Variants in OR2T11 observed in about 807,000 individuals in gnomAD.
OR2T11 encodes the protein olfactory receptor family 2 subfamily T member 11.
In OR2T11, 14 loss-of-function variants were observed where a neutral mutation model predicts 13.5. The ratio of observed to expected loss-of-function variants is 1.04; its 90% confidence interval spans 0.69 to 1.62. The LOEUF (loss-of-function observed/expected upper bound fraction) is 1.62. Ranked by LOEUF, OR2T11 falls within the 40% of genes most tolerant of loss-of-function variation. OR2T11 has a pLI of 0.00. For missense variants in OR2T11, 410 were observed against 389.7 expected (o/e 1.05, Z -0.44); for synonymous variants, 163 against 154.6 (o/e 1.05, Z -0.40).
In OR2T11 at chr1:248,627,012, A is replaced by G; in HGVS notation, c.117T>C (p.Asn39=). 6.4e-7 allele frequency: 1 copy of G among 1,570,012 alleles called. No individual in the cohort carries two copies. The highest frequency in any genetic ancestry group is 2.3e-5 in the East Asian group (1 of 43,640). ...LAVFLGAVTA[N]LVMIFLIQVD... ...CCTGAATCAAGAATATCATGACCAAATTTGCAGTCACGGCCCCCAAGAAAA... is the reference window on the plus strand; with the variant it reads ...CCTGAATCAAGAATATCATGACCAAGTTTGCAGTCACGGCCCCCAAGAAAA... The change falls in exon 2 of 2, where the codon AAT becomes AAC. Residue 39 remains asparagine, a synonymous_variant. Coordinates refer to ENST00000641193, the MANE Select transcript of OR2T11 (RefSeq NM_001001964.2).
Position 248,626,968 on chromosome 1 carries a change from G to A in OR2T11, c.161C>T (p.Thr54Ile), listed in dbSNP as rs61733992. Reference sequence around the variant, plus strand: ...CTGACTGAGCAGAAAGTACATGGGGGTGTGGAGGCGAGAGTCCACCTGAAT... The same window carrying A: ...CTGACTGAGCAGAAAGTACATGGGGATGTGGAGGCGAGAGTCCACCTGAAT... ...FLIQVDSRLHTPMYFLLSQLS... is the reference protein window; with the variant it reads ...FLIQVDSRLHIPMYFLLSQLS... Residue 54 changes from threonine (T) to isoleucine (I), a missense_variant, in exon 2 of 2, where the codon ACC (threonine) becomes ATC (isoleucine). Physicochemically the swap from Thr to Ile is moderately conservative, Grantham distance 89 (BLOSUM62 -1). Transcript: ENST00000641193. The A allele has an allele frequency of 5.6e-4, 876 of 1,571,960 alleles. 120 individuals are homozygous for A. The highest frequency in any genetic ancestry group is 6.8e-4 in the Non-Finnish European group (785 of 1,156,042).
intron 1 of OR2T11, 28 bp downstream of exon 1, chr1:248,635,010 A>AAGGGTTT (rs201126227): frequency 7.9e-6 from 1 of 126,640 alleles, no homozygotes; most frequent in South Asian, 2.6e-4. Flanking sequence ...CTGTAGAAGC[A>AAGGGTTT]AGTTAATTTT....
intron 1 of OR2T11, among the ~76,000 whole-genome samples, chr1:248,631,744 G>A (rs1236287336): frequency 1.4e-5 from 2 of 142,748 alleles, no homozygotes; most frequent in Admixed American, 1.4e-4. Flanking sequence ...GCTTTATACT[G>A]AGGTACATAA....
rs1660516129 is a variant in OR2T11, at chr1:248,626,272, A to G, written c.857T>C (p.Ile286Thr). Residue 286 changes from isoleucine to threonine, a missense_variant, in exon 2 of 2, where the codon ATC (isoleucine) becomes ACC (threonine). Ile to Thr is a moderately conservative substitution (Grantham distance 89). Transcript: ENST00000641193. ...TIVTPMLNPL[I>T]YSLRNKDVIG... ...GACGTCCTTGTTTCTGAGGCTGTAG[A>G]TGAGAGGATTAAGCATGGGCGTGAC... 1 of 1,569,484 alleles carries G rather than the reference A, an allele frequency of 6.4e-7. No individual in the cohort carries two copies. The highest frequency in any genetic ancestry group is 1.5e-5 in the African/African-American group (1 of 66,914).
intron 1 of OR2T11, among the ~76,000 whole-genome samples, chr1:248,630,493 A>G (rs1289532773): frequency 6.9e-6 from 1 of 143,888 alleles, no homozygotes; most frequent in Non-Finnish European, 1.5e-5. Flanking sequence ...ACAGCTCTTC[A>G]ACTCAGGTAC....
chr1:248,633,368 TTCTC>T (rs1660638940), intron 1 of OR2T11, among the ~76,000 whole-genome samples: 1 of 143,564 alleles, frequency 7.0e-6, no homozygotes, highest in Admixed American at 6.8e-5. Context: ...TACAACTGTA[TTCTC>T]TATCTTTGAA....
intron 1 of OR2T11, among the ~76,000 whole-genome samples, chr1:248,630,666 CAAT>C (rs1260855845): frequency 6.9e-6 from 1 of 143,902 alleles, no homozygotes; most frequent in Non-Finnish European, 1.5e-5. Context: ...GAATTGTCTT[CAAT>C]AATGCCATAG....
intron 1 of OR2T11, among the ~76,000 whole-genome samples, chr1:248,629,108 A>G (rs1296911008): frequency 6.9e-6 from 1 of 143,896 alleles, no homozygotes; most frequent in Non-Finnish European, 1.5e-5. Flanking sequence ...TCCAAAATGT[A>G]TAAAACAGTA....
rs955782690 is a variant in OR2T11, at chr1:248,631,364, G to A, written c.-145+3674C>T. Among the ~76,000 whole-genome samples the A allele has an allele frequency of 2.8e-5, 4 of 143,508 alleles. 1 individual carries two copies. Among genetic ancestry groups the A allele is most frequent in the African/African-American group, 8.2e-5 (3 of 36,416 alleles). The allele number at this position is 143,508 out of a possible 152,430, so 94.1% of individuals were successfully genotyped here. On this transcript the variant is annotated intron_variant, in intron 1 of 1. Transcript: ENST00000641193. ...TTCCACGTGCTCTTCACAGCACCTC[G>A]ACGGGTCGATCACTAATTATCACCA...
intron 1 of OR2T11, among the ~76,000 whole-genome samples, chr1:248,630,806 T>C (rs1385285116): frequency 7.0e-6 from 1 of 143,524 alleles, no homozygotes; most frequent in Non-Finnish European, 1.5e-5. Flanking sequence ...CTGGAACCGA[T>C]GAATATGCTC....
Position 248,626,204 on chromosome 1 carries a change from G to C in OR2T11, c.925C>G (p.Gln309Glu), listed in dbSNP as rs775686562. 1.3e-6 allele frequency: 2 copies of C among 1,542,338 alleles called. No individual in the cohort carries two copies. The highest frequency in any genetic ancestry group is 1.7e-4 in the Middle Eastern group (1 of 5,938). The change falls in exon 2 of 2, where the codon CAG becomes GAG. Residue 309 changes from glutamine (Q) to glutamate (E), a missense_variant. By Grantham distance (29) the Gln-to-Glu change is conservative. Transcript: ENST00000641193. Reference sequence around the variant, plus strand: ...TAAGCATCACTTGTTGCTACTTTCTGAGCAGATGAGCAACATGCAAATACC... The same window carrying C: ...TAAGCATCACTTGTTGCTACTTTCTCAGCAGATGAGCAACATGCAAATACC... ...KKVFACCSSA[Q>E]KVATSDA
In OR2T11 at chr1:248,633,564, G is replaced by A. The variant is rs1392550126; in HGVS notation, c.-145+1474C>T. On this transcript the variant is annotated intron_variant, in intron 1 of 1. Coordinates refer to ENST00000641193, the MANE Select transcript of OR2T11 (RefSeq NM_001001964.2). ...CAAGTAGTTTCCCCAGTTTATACAG[G>A]GAGACAGAAAAGCAGTTCTCTTCAT... is the stretch of plus-strand genomic sequence containing the variant. 2.2e-5 allele frequency among the ~76,000 whole-genome samples: 3 copies of A among 139,018 alleles called. 1 individual carries two copies. Among genetic ancestry groups the A allele is most frequent in the African/African-American group, 5.8e-5 (2 of 34,694 alleles). The allele number at this position is 139,018 out of a possible 152,430, so 91.2% of individuals were successfully genotyped here.
rs755765980 is a variant in OR2T11, at chr1:248,626,702, C to G, written c.427G>C (p.Ala143Pro). The part of the protein sequence containing the change: ...MNRKKCLLLA[A>P]GAWFGGSLDG... ...AGGGAGCCCCCAAACCAGGCACCAGCAGCCAGCAAAAGACACTTCTTGCGG... is the reference window on the plus strand; with the variant it reads ...AGGGAGCCCCCAAACCAGGCACCAGGAGCCAGCAAAAGACACTTCTTGCGG... Residue 143 changes from alanine to proline, a missense_variant, in exon 2 of 2, where the codon GCT (alanine) becomes CCT (proline). Physicochemically the swap from Ala to Pro is conservative, Grantham distance 27. Coordinates refer to ENST00000641193, the MANE Select transcript of OR2T11 (RefSeq NM_001001964.2). The G allele has an allele frequency of 6.4e-7, 1 of 1,573,340 alleles. No homozygotes were observed. The highest frequency in any genetic ancestry group is 1.7e-5 in the Admixed American group (1 of 58,336).
rs1158883814 is a variant in OR2T11 at position 248,624,104 on chromosome 1, T to C, written c.*2074A>G. 7.0e-6 allele frequency: 1 copy of C among 142,460 alleles called. No homozygotes were observed. The highest frequency in any genetic ancestry group is 1.5e-5 in the Non-Finnish European group (1 of 66,088). The allele number at this position is 142,460 out of a possible 1,614,324, so 8.8% of individuals were successfully genotyped here. ...GCCATGCTCTTACAAAAGTTCAAAC[T>C]CTCCACTTCTAAACTGGTTTCTGTG... is the stretch of plus-strand genomic sequence containing the variant. On this transcript the variant is annotated 3_prime_UTR_variant, in exon 2 of 2. Transcript: ENST00000641193.
chr1:248,627,123 C>G lies in OR2T11; in HGVS notation c.6G>C (p.Thr2=), dbSNP rs200548184. 2.6e-6 allele frequency: 4 copies of G among 1,526,216 alleles called. No homozygotes were observed. Among genetic ancestry groups the G allele is most frequent in the Non-Finnish European group, 3.6e-6 (4 of 1,117,444 alleles). 94.5% of individuals were successfully genotyped at this position (1,526,216 alleles called of 1,614,324 possible). Residue 2 remains threonine (T), a synonymous_variant, in exon 2 of 2, where the codon ACG becomes ACC. Coordinates refer to ENST00000641193, the MANE Select transcript of OR2T11 (RefSeq NM_001001964.2). M[T]NTSSSDFTLL... is the part of the protein sequence containing the mutation. ...GGGTGAAGTCAGAGGATGATGTGTT[C>G]GTCATTGATATGGCCCACGAGCGTC...
intron 1 of OR2T11, among the ~76,000 whole-genome samples, chr1:248,633,128 G>A (rs1660635155): frequency 9.6e-6 from 1 of 103,938 alleles, no homozygotes; most frequent in Non-Finnish European, 1.9e-5. Context: ...CAGATGAGTG[G>A]GCAATTTATT....
Position 248,630,293 on chromosome 1 carries a change from AAT to A in OR2T11, c.-144-3023_-144-3022del, listed in dbSNP as rs1236175385. On this transcript the variant is annotated intron_variant, in intron 1 of 1. Transcript: ENST00000641193. Reference sequence around the variant, plus strand: ...TCAAAAAAAACTTCATTCTAGGAAAAATAAATAACAAGTTTCTAAGATCAGAC... The same window carrying A: ...TCAAAAAAAACTTCATTCTAGGAAAAAAATAACAAGTTTCTAAGATCAGAC... Among the ~76,000 whole-genome samples the A allele has an allele frequency of 6.3e-5, 9 of 143,356 alleles. 2 individuals carry two copies. The highest frequency in any genetic ancestry group is 2.5e-4 in the African/African-American group (9 of 36,272). 94.0% of individuals were successfully genotyped at this position (143,356 alleles called of 152,430 possible).
rs1440474340 is a variant in OR2T11, at chr1:248,624,257, C to CA, written c.*1920dup. ...TATCACATGACAGCACCATTAACAT[C>CA]AAACACATTGGTATCACGTTTTTCT... On this transcript the variant is annotated 3_prime_UTR_variant, in exon 2 of 2. Coordinates refer to ENST00000641193, the MANE Select transcript of OR2T11 (RefSeq NM_001001964.2). 9 of 143,204 alleles carry CA rather than the reference C, an allele frequency of 6.3e-5. No homozygotes were observed. Among genetic ancestry groups the CA allele is most frequent in the Admixed American group, 2.7e-4 (4 of 14,672 alleles). The allele number at this position is 143,204 out of a possible 1,614,324, so 8.9% of individuals were successfully genotyped here.
rs1438698120 is a variant in OR2T11, at chr1:248,634,537, AAAG to A, written c.-145+498_-145+500del. 2.1e-5 allele frequency among the ~76,000 whole-genome samples: 3 copies of A among 142,570 alleles called. 1 individual carries two copies. Among genetic ancestry groups the A allele is most frequent in the Admixed American group, 1.4e-4 (2 of 14,574 alleles). 93.5% of individuals were successfully genotyped at this position (142,570 alleles called of 152,430 possible). ...CATCCTCAGTACAATCCCAGCTGAAAAAGAAGCTTAAAAATGCATCTGGTTTTT... is the reference window on the plus strand; with the variant it reads ...CATCCTCAGTACAATCCCAGCTGAAAAAGCTTAAAAATGCATCTGGTTTTT... On this transcript the variant is annotated intron_variant, in intron 1 of 1. Transcript: ENST00000641193.
Sources: allele counts gnomAD v4.1 joint callset (sites outside exome capture counted in the v4.1 genomes callset), GRCh38; gene constraint gnomAD v4.1.1; transcripts MANE v1.5; gene names NCBI Gene and HGNC (gene_info 2026-07-23, HGNC 2026-07-21).